RBFOX1: variants seen among roughly 807,000 people sequenced by gnomAD.
RBFOX1 encodes RNA binding fox-1 homolog 1.
A neutral mutation model predicts 57.7 loss-of-function variants in RBFOX1; 8 were observed. The observed-to-expected ratio is 0.14, with a 90% confidence interval of 0.08 to 0.25. The LOEUF is 0.25. Ranked by LOEUF, RBFOX1 falls within the 10% of genes least tolerant of loss-of-function variation. The pLI, the probability that RBFOX1 is intolerant of heterozygous loss-of-function variation, is 1.00. For missense variants in RBFOX1, 611 were observed against 548.5 expected, an observed-to-expected ratio of 1.11 and a Z score of -1.14; for synonymous variants, 326 against 222.4, an observed-to-expected ratio of 1.47 and a Z score of -4.15.
intron 1 of RBFOX1, among the ~76,000 whole-genome samples, chr16:6,295,603 C>T (rs908715392): frequency 1.3e-5 from 2 of 152,196 alleles, no homozygotes; most frequent in African/African-American, 4.8e-5. Flanking sequence ...CTTCTACATC[C>T]CTAAAAGCTG....
At chr16:7,227,465 C>A (rs1244390022) in intron 4 of RBFOX1, among the ~76,000 whole-genome samples, 3 of 152,032 alleles carry the variant, frequency 2.0e-5, no homozygotes, top group African/African-American at 2.4e-5. Flanking sequence ...TAAAAGTATG[C>A]GATTTTATTC....
intron 4 of RBFOX1, among the ~76,000 whole-genome samples, chr16:7,220,880 C>G (rs1441401706): frequency 6.6e-6 from 1 of 152,054 alleles, no homozygotes; most frequent in African/African-American, 2.4e-5. Context: ...CTTGTTAAGA[C>G]TCAGGATACT....
At chr16:7,404,160 C>T (rs972128247) in intron 4 of RBFOX1, among the ~76,000 whole-genome samples, 9 of 151,870 alleles carry the variant, frequency 5.9e-5, no homozygotes, top group Non-Finnish European at 8.8e-5. Context: ...TCAAGCGATT[C>T]TCCTGCCTCA....
At chr16:6,251,904 T>C (rs2152947601) in intron 1 of RBFOX1, among the ~76,000 whole-genome samples, 1 of 152,266 alleles carries the variant, frequency 6.6e-6, no homozygotes, top group South Asian at 2.1e-4. Context: ...ACAAGGCGGC[T>C]GTCTGCTTTC....
intron 1 of RBFOX1, among the ~76,000 whole-genome samples, chr16:5,252,952 C>A (rs1275199299): frequency 6.6e-6 from 1 of 152,188 alleles, no homozygotes; most frequent in Non-Finnish European, 1.5e-5. Context: ...CCACCATAAG[C>A]TTGTTCACAT....
intron 1 of RBFOX1, among the ~76,000 whole-genome samples, chr16:5,362,981 C>T (rs982637354): frequency 3.3e-5 from 5 of 151,042 alleles, no homozygotes; most frequent in African/African-American, 1.2e-4. Flanking sequence ...TGTATAATGC[C>T]GTAGTAAACA....
At chr16:7,023,608 G>A (rs1341558573) in intron 3 of RBFOX1, among the ~76,000 whole-genome samples, 6 of 117,950 alleles carry the variant, frequency 5.1e-5, no homozygotes, top group Non-Finnish European at 9.0e-5. Flanking sequence ...GCTTGCCATA[G>A]TGGTACATGA....
intron 2 of RBFOX1, among the ~76,000 whole-genome samples, chr16:5,562,849 T>TA (rs2045936559): frequency 6.6e-6 from 1 of 152,232 alleles, no homozygotes; most frequent in African/African-American, 2.4e-5. Flanking sequence ...AACTATCTGC[T>TA]AACCATAAAC....
chr16:5,271,404 A>G (rs2063003306), intron 1 of RBFOX1, among the ~76,000 whole-genome samples: 1 of 152,096 alleles, frequency 6.6e-6, no homozygotes, highest in African/African-American at 2.4e-5. Flanking sequence ...CCCAGGCTCT[A>G]CCTCCGGTGA....
intron 2 of RBFOX1, among the ~76,000 whole-genome samples, chr16:6,592,921 G>T (rs532992569): frequency 6.6e-6 from 1 of 152,070 alleles, no homozygotes; most frequent in African/African-American, 2.4e-5. Flanking sequence ...GGCTGGGCAC[G>T]GTGGCTCATG....
intron 2 of RBFOX1, among the ~76,000 whole-genome samples, chr16:6,583,268 C>T (rs1327907024): frequency 1.3e-5 from 2 of 152,196 alleles, no homozygotes; most frequent in Non-Finnish European, 1.5e-5. Flanking sequence ...CAGCTTGGAA[C>T]ACATGTGCAA....
chr16:7,230,344 G>T (rs1317780585), intron 4 of RBFOX1, among the ~76,000 whole-genome samples: 1 of 152,086 alleles, frequency 6.6e-6, no homozygotes, highest in African/African-American at 2.4e-5. Flanking sequence ...CGTGTGTTGG[G>T]GCAGGGTCTG....
At chr16:6,281,491 T>G (rs962504097) in intron 1 of RBFOX1, among the ~76,000 whole-genome samples, 4 of 151,990 alleles carry the variant, frequency 2.6e-5, no homozygotes, top group African/African-American at 9.7e-5. Flanking sequence ...GAAAACAGCT[T>G]CCACCGAGGG....
intron 1 of RBFOX1, among the ~76,000 whole-genome samples, chr16:5,320,111 C>T (rs1433439802): frequency 1.3e-5 from 2 of 152,126 alleles, no homozygotes; most frequent in African/African-American, 4.8e-5. Flanking sequence ...TAGGTGTGCA[C>T]AGGTCCAATA....
chr16:7,064,890 G>A (rs1211560129), intron 4 of RBFOX1, among the ~76,000 whole-genome samples: 1 of 152,176 alleles, frequency 6.6e-6, no homozygotes, highest in Admixed American at 6.5e-5. Flanking sequence ...GCTGTGGTAT[G>A]ATACTCCCTC....
intron 3 of RBFOX1, among the ~76,000 whole-genome samples, chr16:6,710,772 G>A (rs1038888796): frequency 6.6e-6 from 1 of 152,212 alleles, no homozygotes; most frequent in African/African-American, 2.4e-5. Flanking sequence ...CCAAGCCTTA[G>A]GTGGCCCTTA....
At chr16:6,967,962 G>A (rs905082003) in intron 3 of RBFOX1, among the ~76,000 whole-genome samples, 15 of 152,154 alleles carry the variant, frequency 9.9e-5, no homozygotes, top group Middle Eastern at 3.2e-3. Context: ...AAAACGCTCG[G>A]GGAGAGAGGT....
At chr16:6,539,920 G>A (rs1266037608) in intron 2 of RBFOX1, among the ~76,000 whole-genome samples, 1 of 151,804 alleles carries the variant, frequency 6.6e-6, no homozygotes, top group Non-Finnish European at 1.5e-5. Flanking sequence ...ACCAAGGCAA[G>A]GTAACTTTAA....
At chr16:6,160,990 C>T (rs185055881) in intron 1 of RBFOX1, among the ~76,000 whole-genome samples, 1 of 152,342 alleles carries the variant, frequency 6.6e-6, no homozygotes, top group African/African-American at 2.4e-5. Context: ...TTCCTACCGA[C>T]AATGGAATGC....
Sources: gnomAD v4.1 joint callset for allele counts (sites outside exome capture counted in the v4.1 genomes callset) on GRCh38, gnomAD v4.1.1 for gene constraint, MANE v1.5 for transcripts, NCBI Gene and HGNC (gene_info 2026-07-23, HGNC 2026-07-21) for gene names.